Variants in OSBPL3 observed in about 807,000 individuals in gnomAD.
The protein encoded by OSBPL3 is oxysterol-binding protein-related protein 3.
OSBPL3 carries 65 observed loss-of-function variants against 120.1 expected under a neutral mutation model. That is an observed-to-expected ratio of 0.54 (90% confidence interval 0.44 to 0.67). OSBPL3 has a LOEUF of 0.67. Among genes scored for constraint, OSBPL3 ranks in the 30% least tolerant of loss-of-function variants. OSBPL3 has a pLI of 0.00. For missense variants in OSBPL3, 1,004 were observed against 1,082.1 expected, an observed-to-expected ratio of 0.93 and a Z score of 1.01; for synonymous variants, 416 against 402.6, an observed-to-expected ratio of 1.03 and a Z score of -0.40.
chr7:24,923,678 A>C (rs1175301449), intron 1 of OSBPL3, among the ~76,000 whole-genome samples: 4 of 152,214 alleles, frequency 2.6e-5, no homozygotes, highest in African/African-American at 7.2e-5. Flanking sequence ...ACATGCAATG[A>C]GACAGGGGCA....
rs562142832 is a variant in OSBPL3 at position 24,901,199 on chromosome 7, C to A, written c.-149-8578G>T. ...AACATTAGCCGGGCACAGTGGCAGG[C>A]GCCTGTAATCCCAGCTACTCGGGAG... is the stretch of plus-strand genomic sequence containing the variant. On this transcript the variant is annotated intron_variant, in intron 1 of 22. Coordinates refer to ENST00000313367, the MANE Select transcript of OSBPL3 (RefSeq NM_015550.4). Among the ~76,000 whole-genome samples the A allele has an allele frequency of 1.0e-3, 158 of 151,660 alleles. 1 individual carries two copies. The highest frequency in any genetic ancestry group is 3.5e-3 in the African/African-American group (146 of 41,192).
At chr7:24,814,787 A>C (rs1794266250) in intron 19 of OSBPL3, among the ~76,000 whole-genome samples, 1 of 152,216 alleles carries the variant, frequency 6.6e-6, no homozygotes, top group Non-Finnish European at 1.5e-5. Context: ...AATGCTGTCA[A>C]GGTGCATACA....
chr7:24,925,761 G>A (rs1016330441), intron 1 of OSBPL3, among the ~76,000 whole-genome samples: 1 of 152,214 alleles, frequency 6.6e-6, no homozygotes, highest in Non-Finnish European at 1.5e-5. Context: ...AGGTCCTACT[G>A]ATGGTGTATT....
At chr7:24,904,067 G>T (rs1807477692) in intron 1 of OSBPL3, among the ~76,000 whole-genome samples, 1 of 151,984 alleles carries the variant, frequency 6.6e-6, no homozygotes, top group South Asian at 2.1e-4. Flanking sequence ...ATTTTTAGTA[G>T]AGATGGGGTT....
rs1010428716 is a variant in OSBPL3, at chr7:24,939,836, G to A, written c.-150+40050C>T. Among the ~76,000 whole-genome samples the A allele has an allele frequency of 6.6e-6, 1 of 152,132 alleles. No homozygotes were observed. The highest frequency in any genetic ancestry group is 1.5e-5 in the Non-Finnish European group (1 of 68,022). ...AACAGGGGGCTATAACTAAAGTTAG[G>A]AGGGTGGGAGGAAAGAGGAGGGAGA... On this transcript the variant is annotated intron_variant, in intron 1 of 22. Coordinates refer to ENST00000313367, the MANE Select transcript of OSBPL3 (RefSeq NM_015550.4). This position sits in a 1 kb window ranked among gnomAD's most constrained non-coding sequence, Gnocchi z 4.2.
In OSBPL3 at chr7:24,947,731, A is replaced by G. The variant is rs1813891248; in HGVS notation, c.-150+32155T>C. 6.6e-6 allele frequency among the ~76,000 whole-genome samples: 1 copy of G among 151,988 alleles called. No individual in the cohort carries two copies. Among genetic ancestry groups the G allele is most frequent in the Non-Finnish European group, 1.5e-5 (1 of 68,004 alleles). On this transcript the variant is annotated intron_variant, in intron 1 of 22. Transcript: ENST00000313367. The surrounding 1 kb of genome is among the most constrained non-coding windows in gnomAD (Gnocchi z 4.4). Reference sequence around the variant, plus strand: ...CAAACTAAACTATAATCTGAACACAAGTAATATATGCATGTGTATATATGT... The same window carrying G: ...CAAACTAAACTATAATCTGAACACAGGTAATATATGCATGTGTATATATGT...
rs1817128559 is a variant in OSBPL3, at chr7:24,972,415, G to C, written c.-150+7471C>G. On this transcript the variant is annotated intron_variant, in intron 1 of 22. Coordinates refer to ENST00000313367, the MANE Select transcript of OSBPL3 (RefSeq NM_015550.4). This position sits in a 1 kb window ranked among gnomAD's most constrained non-coding sequence, Gnocchi z 4.3. ...CAGAAAAATGGAACCTTTCTCTCCAGGGTCCCAATTAAAAGCCAGACTCAT... is the reference window on the plus strand; with the variant it reads ...CAGAAAAATGGAACCTTTCTCTCCACGGTCCCAATTAAAAGCCAGACTCAT... 6.6e-6 allele frequency among the ~76,000 whole-genome samples: 1 copy of C among 152,122 alleles called. No individual in the cohort carries two copies. Among genetic ancestry groups the C allele is most frequent in the Non-Finnish European group, 1.5e-5 (1 of 68,024 alleles).
chr7:24,867,896 G>A lies in OSBPL3; in HGVS notation c.382-1659C>T, dbSNP rs1032592580. Among the ~76,000 whole-genome samples the A allele has an allele frequency of 7.9e-5, 12 of 151,922 alleles. No homozygotes were observed. Among genetic ancestry groups the A allele is most frequent in the South Asian group, 2.1e-4 (1 of 4,824 alleles). On this transcript the variant is annotated intron_variant, in intron 5 of 22. Coordinates refer to ENST00000313367, the MANE Select transcript of OSBPL3 (RefSeq NM_015550.4). This position sits in a 1 kb window ranked among gnomAD's most constrained non-coding sequence, Gnocchi z 4.5. ...ATCTCTCCATAAATGAACAATTATC[G>A]ATTTCTAATTTCCATGAAGAATACT...
rs1379170683 is a variant in OSBPL3 at position 24,913,071 on chromosome 7, G to A, written c.-149-20450C>T. ...AGCATCAACCCGCAGACATGTGACT[G>A]AGCAAGGATTCAAATGTCCCAGCCT... On this transcript the variant is annotated intron_variant, in intron 1 of 22. Transcript: ENST00000313367. This position sits in a 1 kb window ranked among gnomAD's most constrained non-coding sequence, Gnocchi z 5.3. Among the ~76,000 whole-genome samples, 3 of 152,200 alleles carry A rather than the reference G, an allele frequency of 2.0e-5. No homozygotes were observed. The highest frequency in any genetic ancestry group is 4.8e-5 in the African/African-American group (2 of 41,440).
chr7:24,971,025 G>A (rs1236587853), intron 1 of OSBPL3, among the ~76,000 whole-genome samples: 2 of 152,182 alleles, frequency 1.3e-5, no homozygotes, highest in Admixed American at 1.3e-4. Context: ...TCTCAAACTG[G>A]GTGTCACCTA....
rs1156356159 is a variant in OSBPL3 at position 24,881,820 on chromosome 7, C to A, written c.97-9751G>T. On this transcript the variant is annotated intron_variant, in intron 2 of 22. Coordinates refer to ENST00000313367, the MANE Select transcript of OSBPL3 (RefSeq NM_015550.4). The surrounding 1 kb of genome is among the most constrained non-coding windows in gnomAD (Gnocchi z 4.3). ...CCCTCTGGAGGATCTCAGGGGGATT[C>A]ATTCCTTGCTTCTCCCTCTGGTGGC... Among the ~76,000 whole-genome samples, 1 of 152,156 alleles carries A rather than the reference C, an allele frequency of 6.6e-6. No homozygotes were observed. Among genetic ancestry groups the A allele is most frequent in the East Asian group, 1.9e-4 (1 of 5,192 alleles).
chr7:24,829,483 C>T (rs1285624329), intron 16 of OSBPL3, among the ~76,000 whole-genome samples: 3 of 152,194 alleles, frequency 2.0e-5, no homozygotes, highest in African/African-American at 7.2e-5. Flanking sequence ...CATCATAAGT[C>T]TCTCAGCCAA....
chr7:24,825,000 G>T lies in OSBPL3; in HGVS notation c.1885-4762C>A, dbSNP rs2128152395. Among the ~76,000 whole-genome samples the T allele has an allele frequency of 6.6e-6, 1 of 152,354 alleles. No individual in the cohort carries two copies. Among genetic ancestry groups the T allele is most frequent in the Non-Finnish European group, 1.5e-5 (1 of 68,034 alleles). On this transcript the variant is annotated intron_variant, in intron 16 of 22. Transcript: ENST00000313367. This position sits in a 1 kb window ranked among gnomAD's most constrained non-coding sequence, Gnocchi z 4.9. ...CAGTCTGGCAGAGCTAAATGAGGAG[G>T]TGGGGTAAGTAGGAGAAGTGTCTGA...
chr7:24,943,682 G>A (rs1294751524), intron 1 of OSBPL3, among the ~76,000 whole-genome samples: 1 of 152,166 alleles, frequency 6.6e-6, no homozygotes, highest in East Asian at 1.9e-4. Context: ...TTTTGAAACA[G>A]ATCAGGCAAG....
chr7:24,901,020 CG>C (rs1806910942), intron 1 of OSBPL3, among the ~76,000 whole-genome samples: 2 of 93,030 alleles, frequency 2.1e-5, no homozygotes, highest in Admixed American at 2.4e-4. Context: ...GACCTTGTCT[CG>C]AAAAAAAAAA....
intron 1 of OSBPL3, among the ~76,000 whole-genome samples, chr7:24,957,385 T>C (rs991455948): frequency 6.6e-6 from 1 of 152,228 alleles, no homozygotes; most frequent in African/African-American, 2.4e-5. Flanking sequence ...TCTTTCGTAA[T>C]GAATTCCAAC....
In OSBPL3 at chr7:24,833,540, C is replaced by T. The variant is rs1303592437; in HGVS notation, c.1746+946G>A. On this transcript the variant is annotated intron_variant, in intron 15 of 22. Transcript: ENST00000313367. The surrounding 1 kb of genome is among the most constrained non-coding windows in gnomAD (Gnocchi z 4.4). ...TTAGAATGTAGAAAATAATAGCATC[C>T]TCTATCAATGGGGAGTGTCGGCAGG... 2.6e-5 allele frequency among the ~76,000 whole-genome samples: 4 copies of T among 152,176 alleles called. No homozygotes were observed. Among genetic ancestry groups the T allele is most frequent in the Non-Finnish European group, 5.9e-5 (4 of 68,044 alleles).
At chr7:24,969,186 G>T (rs1015011380) in intron 1 of OSBPL3, among the ~76,000 whole-genome samples, 3 of 152,164 alleles carry the variant, frequency 2.0e-5, no homozygotes, top group Non-Finnish European at 2.9e-5. Flanking sequence ...CTGCCAACCC[G>T]ATAGGTGAAA....
Position 24,831,035 on chromosome 7 carries a change from T to G in OSBPL3, c.1747-130A>C. On this transcript the variant is annotated intron_variant, in intron 15 of 22. Coordinates refer to ENST00000313367, the MANE Select transcript of OSBPL3 (RefSeq NM_015550.4). This position sits in a 1 kb window ranked among gnomAD's most constrained non-coding sequence, Gnocchi z 4.0. ...CCAAAGATTTGTCTTTGGTTGTTTT[T>G]AAACAACATAGGTTTAAAATTGTAG... 8 of 871,522 alleles carry G rather than the reference T, an allele frequency of 9.2e-6. No individual in the cohort carries two copies. Among genetic ancestry groups the G allele is most frequent in the Non-Finnish European group, 1.2e-5 (7 of 605,340 alleles). 54.0% of individuals were successfully genotyped at this position (871,522 alleles called of 1,614,324 possible). A position where few individuals can be genotyped will look rare whatever the true frequency, so the allele number is the denominator to read the frequency against.
Sources: allele counts gnomAD v4.1 joint callset (sites outside exome capture counted in the v4.1 genomes callset), GRCh38; gene constraint gnomAD v4.1.1; non-coding constraint Gnocchi (gnomAD v3.1); transcripts MANE v1.5; gene names NCBI Gene and HGNC (gene_info 2026-07-23, HGNC 2026-07-21).